The following ME3 variants were observed in gnomAD, a reference collection of about 807,000 sequenced individuals.
ME3 encodes the protein malic enzyme 3.
In ME3, 48 loss-of-function variants were observed where a neutral mutation model predicts 68.9. That is an observed-to-expected ratio of 0.70 (90% CI 0.55 to 0.89). The LOEUF (loss-of-function observed/expected upper bound fraction) is 0.89. Ranked by LOEUF, ME3 falls within the 40% of genes least tolerant of loss-of-function variation. The probability of loss-of-function intolerance (pLI) is 0.00; values close to 1 mark genes in which losing one functional copy is unlikely to be tolerated. For missense variants in ME3, 675 were observed against 797.4 expected (o/e 0.85, Z 1.85); for synonymous variants, 320 against 318.8 (o/e 1.00, Z -0.04).
intron 2 of ME3, among the ~76,000 whole-genome samples, chr11:86,560,219 G>C (rs746393178): frequency 6.6e-6 from 1 of 152,044 alleles, no homozygotes; most frequent in African/African-American, 2.4e-5. Flanking sequence ...TGGATCACAG[G>C]GGCAGTTTTC....
intron 2 of ME3, among the ~76,000 whole-genome samples, chr11:86,595,302 T>TAGAGAGAG (rs1268407167): frequency 3.2e-5 from 2 of 63,166 alleles, no homozygotes; most frequent in African/African-American, 1.0e-4. Context: ...CATATATATA[T>TAGAGAGAG]ATATAGAGAG....
chr11:86,537,207 A>G (rs7945240), intron 4 of ME3, among the ~76,000 whole-genome samples: 60,202 of 150,298 alleles, frequency 0.4, 12,299 homozygotes, highest in South Asian at 0.51. Flanking sequence ...TAGTGGGTGC[A>G]GCACACCAGC....
intron 4 of ME3, among the ~76,000 whole-genome samples, chr11:86,511,084 C>T (rs1426411597): frequency 6.6e-6 from 1 of 152,222 alleles, no homozygotes. Flanking sequence ...CTGGTTCAAA[C>T]ACTTCTTTCA....
chr11:86,447,249 A>C (rs1949360777), intron 11 of ME3, 42 bp from the exon 12 acceptor site: 1 of 1,602,522 alleles, frequency 6.2e-7, no homozygotes, highest in Admixed American at 1.7e-5. Context: ...TGCTCTCTAT[A>C]AACAACCCAT....
chr11:86,448,492 G>A (rs1949449698), intron 10 of ME3, among the ~76,000 whole-genome samples: 1 of 152,090 alleles, frequency 6.6e-6, no homozygotes, highest in South Asian at 2.1e-4. Flanking sequence ...AACCACATAT[G>A]GAGAATCCAT....
intron 7 of ME3, among the ~76,000 whole-genome samples, chr11:86,478,347 AAAG>A (rs1377046094): frequency 2.4e-4 from 36 of 149,390 alleles, no homozygotes; most frequent in African/African-American, 8.7e-4. Context: ...AAAAAAAAAA[AAAG>A]GTTAAAGAAA....
chr11:86,542,469 A>G (rs780309043), intron 4 of ME3, among the ~76,000 whole-genome samples: 1 of 152,250 alleles, frequency 6.6e-6, no homozygotes, highest in Non-Finnish European at 1.5e-5. Context: ...AAATGACCTG[A>G]TGGACCTGAA....
chr11:86,530,420 T>G (rs1955122063), intron 4 of ME3, among the ~76,000 whole-genome samples: 1 of 152,220 alleles, frequency 6.6e-6, no homozygotes, highest in Admixed American at 6.5e-5. Context: ...ATGGCCATAG[T>G]GCCCAAGGTA....
At position 86,467,282 on chromosome 11, in the gene ME3, C is replaced by T. The variant is rs1950527872; in HGVS notation, c.810-2082G>A. Among the ~76,000 whole-genome samples the T allele has an allele frequency of 4.6e-5, 7 of 152,290 alleles. No homozygotes were observed. The South Asian group carries it at 1.5e-3, about 32-fold the overall frequency. On this transcript the variant is annotated intron_variant, in intron 7 of 14. Transcript: ENST00000543262. Reference sequence around the variant, plus strand: ...GACCATAAAATGCTAAACACAAATGCCATTCTGGCCACAATTCTTCTTCAC... The same window carrying T: ...GACCATAAAATGCTAAACACAAATGTCATTCTGGCCACAATTCTTCTTCAC...
intron 2 of ME3, among the ~76,000 whole-genome samples, chr11:86,570,094 G>A (rs544425161): frequency 3.3e-5 from 5 of 152,198 alleles, no homozygotes; most frequent in Admixed American, 2.0e-4. Context: ...CCTGGCCCAC[G>A]GCACACACAC....
intron 4 of ME3, among the ~76,000 whole-genome samples, chr11:86,533,052 C>CAA (rs112609101): frequency 7.6e-5 from 10 of 131,470 alleles, no homozygotes; most frequent in Admixed American, 6.2e-4. Context: ...ATGGGGTCTC[C>CAA]AAAAAAAAAA....
chr11:86,618,312 A>AAAAAAG (rs1943118428), intron 2 of ME3, among the ~76,000 whole-genome samples: 1 of 138,398 alleles, frequency 7.2e-6, no homozygotes, highest in Non-Finnish European at 1.7e-5. Context: ...AAAAAAAAAA[A>AAAAAAG]AAAAAAAAAA....
chr11:86,551,272 T>C (rs1956667659), intron 4 of ME3, among the ~76,000 whole-genome samples: 1 of 152,216 alleles, frequency 6.6e-6, no homozygotes, highest in Admixed American at 6.5e-5. Context: ...GGATAGTTCC[T>C]GTGATCCGAG....
At chr11:86,447,300 T>C (rs1949365437) in intron 11 of ME3, 93 bp from the exon 12 acceptor site, 8 of 1,510,378 alleles carry the variant, frequency 5.3e-6, no homozygotes, top group African/African-American at 1.4e-5. Context: ...AGGAATACCA[T>C]GAAAGACTCG....
chr11:86,482,371 G>A (rs1951463310), intron 7 of ME3, among the ~76,000 whole-genome samples: 1 of 152,016 alleles, frequency 6.6e-6, no homozygotes, highest in Non-Finnish European at 1.5e-5. Flanking sequence ...TGTACAGCAG[G>A]TACTAGGTAG....
chr11:86,447,236 G>T (rs1297715002), intron 11 of ME3, 29 bp from the exon 12 acceptor site: 8 of 1,610,272 alleles, frequency 5.0e-6, no homozygotes, highest in Admixed American at 1.7e-5. Context: ...TAGTGGGGAT[G>T]CCTGCTCTCT....
chr11:86,514,142 C>G (rs992314756), intron 4 of ME3, among the ~76,000 whole-genome samples: 24 of 152,186 alleles, frequency 1.6e-4, no homozygotes, highest in Non-Finnish European at 1.5e-4. Context: ...GCTTGCATTT[C>G]TCTCTCCTGC....
chr11:86,531,917 G>T (rs759847198), intron 4 of ME3, among the ~76,000 whole-genome samples: 1 of 151,486 alleles, frequency 6.6e-6, no homozygotes, highest in Non-Finnish European at 1.5e-5. Context: ...CATGGCACAT[G>T]TATACATATG....
At chr11:86,539,690 G>A (rs1227446994) in intron 4 of ME3, among the ~76,000 whole-genome samples, 4 of 152,150 alleles carry the variant, frequency 2.6e-5, no homozygotes, top group Non-Finnish European at 5.9e-5. Flanking sequence ...GCTTGTTTCA[G>A]GAGACGAGAT....
Sources: allele counts gnomAD v4.1 joint callset (sites outside exome capture counted in the v4.1 genomes callset), GRCh38; gene constraint gnomAD v4.1.1; transcripts MANE v1.5; gene names NCBI Gene and HGNC (gene_info 2026-07-23, HGNC 2026-07-21).